XPO4: variants seen among roughly 807,000 people sequenced by gnomAD.
XPO4 encodes exportin 4, also known as exportin-4.
XPO4 carries 39 observed loss-of-function variants against 143.0 expected under a neutral mutation model. The observed-to-expected ratio is 0.27, with a 90% confidence interval of 0.21 to 0.36. The LOEUF (loss-of-function observed/expected upper bound fraction) is 0.36, where lower values mean the gene tolerates loss of function less well. Among genes scored for constraint, XPO4 ranks in the 10% least tolerant of loss-of-function variants. The pLI is 1.00. For synonymous variants in XPO4, 439 were observed against 474.0 expected (o/e 0.93, Z 0.96); for missense variants, 907 against 1,348.0 (o/e 0.67, Z 5.12).
At chr13:20,877,803 T>C (rs1464116582) in intron 1 of XPO4, among the ~76,000 whole-genome samples, 1 of 152,170 alleles carries the variant, frequency 6.6e-6, no homozygotes, top group Non-Finnish European at 1.5e-5. Flanking sequence ...TAAAAATGGA[T>C]ATTAAACATG....
At chr13:20,807,070 T>C (rs948683178) in intron 13 of XPO4, among the ~76,000 whole-genome samples, 1 of 152,110 alleles carries the variant, frequency 6.6e-6, no homozygotes, top group African/African-American at 2.4e-5. Context: ...CACCGAAACG[T>C]AGTTTTAGCT....
chr13:20,897,984 C>G (rs2060585172), intron 1 of XPO4, among the ~76,000 whole-genome samples: 1 of 152,124 alleles, frequency 6.6e-6, no homozygotes, highest in East Asian at 1.9e-4. Flanking sequence ...AACTCCTGAC[C>G]TCAGGTGATC....
Position 20,809,121 on chromosome 13 carries a change from T to G in XPO4, c.1455A>C (p.Gly485=), listed in dbSNP as rs770979976. The G allele has an allele frequency of 6.2e-7, 1 of 1,614,066 alleles. No homozygotes were observed. The highest frequency in any genetic ancestry group is 2.2e-5 in the East Asian group (1 of 44,894). Residue 485 remains glycine, a synonymous_variant, in exon 11 of 23, where the codon GGA becomes GGC. Transcript: ENST00000255305. The stretch of plus-strand genomic sequence containing the variant: ...GTATACAGTGTTCTGCAGCAATTCT[T>G]CCTAGCATTCCTACACTGGCCAGTT... ...SDQLASVGML[G]RIAAEHCIPL...
intron 4 of XPO4, chr13:20,848,731 T>C: frequency 1.0e-6 from 1 of 985,420 alleles, no homozygotes; most frequent in Non-Finnish European, 1.2e-6. Flanking sequence ...TGTTTACTTC[T>C]ATGCCCAGCA....
chr13:20,829,793 G>A (rs958149966), intron 6 of XPO4, among the ~76,000 whole-genome samples: 1 of 152,152 alleles, frequency 6.6e-6, no homozygotes. Context: ...TGGTAAGAGG[G>A]AGATGATAAG....
intron 3 of XPO4, chr13:20,856,831 C>T: frequency 2.0e-6 from 2 of 985,292 alleles, no homozygotes; most frequent in South Asian, 4.7e-5. Flanking sequence ...TCTATTCCCT[C>T]TCCCAAGATT....
intron 1 of XPO4, 98 bp from the exon 2 acceptor site, chr13:20,868,799 T>C: frequency 8.9e-7 from 1 of 1,121,604 alleles, no homozygotes. Flanking sequence ...GCCTTCACTT[T>C]TGGGGGGCAA....
chr13:20,832,071 C>T (rs2059859991), intron 6 of XPO4, among the ~76,000 whole-genome samples: 1 of 152,124 alleles, frequency 6.6e-6, no homozygotes, highest in Admixed American at 6.6e-5. Flanking sequence ...CTTAGGAAAG[C>T]TCACCAACTT....
chr13:20,889,191 T>A (rs960050455), intron 1 of XPO4, among the ~76,000 whole-genome samples: 3 of 152,186 alleles, frequency 2.0e-5, no homozygotes, highest in African/African-American at 7.2e-5. Context: ...ATTAAAAATT[T>A]AGCTCCTCAG....
At chr13:20,849,227 A>C in intron 4 of XPO4, 1 of 985,460 alleles carries the variant, frequency 1.0e-6, no homozygotes, top group East Asian at 1.1e-4. Flanking sequence ...CATAAAGCAG[A>C]CTTCCAGCTG....
At position 20,786,126 on chromosome 13, in the gene XPO4, A is replaced by C. The variant is rs570882086; in HGVS notation, c.3258+839T>G. Reference sequence around the variant, plus strand: ...TGCAGGAAGTGGCAGCCTAGGGCAGAGAGCAAGAAATGAAGCCCCAGGGCA... The same window carrying C: ...TGCAGGAAGTGGCAGCCTAGGGCAGCGAGCAAGAAATGAAGCCCCAGGGCA... On this transcript the variant is annotated intron_variant, in intron 22 of 22. Coordinates refer to ENST00000255305, the MANE Select transcript of XPO4 (RefSeq NM_022459.5). Among the ~76,000 whole-genome samples the C allele has an allele frequency of 1.1e-3, 164 of 152,232 alleles. 1 individual carries two copies. The highest frequency in any genetic ancestry group is 3.8e-3 in the African/African-American group (157 of 41,550).
At chr13:20,800,098 AAAAG>A in intron 15 of XPO4, 54 bp downstream of exon 15, 1 of 1,582,128 alleles carries the variant, frequency 6.3e-7, no homozygotes, top group South Asian at 1.2e-5. Flanking sequence ...TAAGAAGTGA[AAAAG>A]AGTTTCTCAC....
intron 9 of XPO4, among the ~76,000 whole-genome samples, chr13:20,814,943 CA>C (rs1287212410): frequency 6.6e-6 from 1 of 152,176 alleles, no homozygotes; most frequent in Non-Finnish European, 1.5e-5. Flanking sequence ...ATGTTGAATA[CA>C]TAATTCCAAA....
At chr13:20,846,453 C>T (rs2060029855) in intron 4 of XPO4, among the ~76,000 whole-genome samples, 1 of 152,142 alleles carries the variant, frequency 6.6e-6, no homozygotes, top group African/African-American at 2.4e-5. Flanking sequence ...TGGCATGGAA[C>T]TGCTTTTTAG....
At chr13:20,836,165 A>G (rs1396255060) in intron 6 of XPO4, among the ~76,000 whole-genome samples, 1 of 152,190 alleles carries the variant, frequency 6.6e-6, no homozygotes, top group Non-Finnish European at 1.5e-5. Flanking sequence ...ACATTGTTCA[A>G]GGGTCAATTG....
chr13:20,807,791 C>G (rs552092623), intron 12 of XPO4, among the ~76,000 whole-genome samples, 157 bp from the exon 13 acceptor site: 18 of 152,158 alleles, frequency 1.2e-4, no homozygotes, highest in Admixed American at 6.5e-4. Context: ...AAAAAACTTT[C>G]TATGTCTCAG....
rs189093490 is a variant in XPO4 at position 20,805,229 on chromosome 13, G to A, written c.1817+2228C>T. Among the ~76,000 whole-genome samples, 722 of 152,218 alleles carry A rather than the reference G, an allele frequency of 4.7e-3. 6 individuals are homozygous for A. The highest frequency in any genetic ancestry group is 0.016 in the African/African-American group (647 of 41,518). On this transcript the variant is annotated intron_variant, in intron 13 of 22. Transcript: ENST00000255305. ...CAAAGTGCTAGGATTACAGGTGTGAGCCACAGTGCCCAGCCTCCATCATTT... is the reference window on the plus strand; with the variant it reads ...CAAAGTGCTAGGATTACAGGTGTGAACCACAGTGCCCAGCCTCCATCATTT...
chr13:20,835,694 A>G (rs1250985664), intron 6 of XPO4, among the ~76,000 whole-genome samples: 2 of 152,220 alleles, frequency 1.3e-5, no homozygotes, highest in Non-Finnish European at 2.9e-5. Flanking sequence ...TATATAGTTC[A>G]GTTGACCCTT....
intron 15 of XPO4, 21 bp downstream of exon 15, chr13:20,800,135 A>G (rs1427238234): frequency 1.2e-6 from 2 of 1,613,554 alleles, no homozygotes; most frequent in Non-Finnish European, 1.7e-6. Flanking sequence ...ACACACAGTC[A>G]GCCTCCAACA....
Sources: gnomAD v4.1 joint callset for allele counts (sites outside exome capture counted in the v4.1 genomes callset) on GRCh38, gnomAD v4.1.1 for gene constraint, MANE v1.5 for transcripts, NCBI Gene and HGNC (gene_info 2026-07-23, HGNC 2026-07-21) for gene names.